GALNT14: variants seen among roughly 807,000 people sequenced by gnomAD.
GALNT14 encodes the protein polypeptide N-acetylgalactosaminyltransferase 14, also known as UDP-GalNAc:polypeptide N-acetylgalactosaminyltransferase 14.
GALNT14 carries 60 observed loss-of-function variants against 77.5 expected under a neutral mutation model. That is an observed-to-expected ratio of 0.77 (90% confidence interval 0.63 to 0.96). The LOEUF (loss-of-function observed/expected upper bound fraction) is 0.96. Ranked by LOEUF, GALNT14 falls within the 40% of genes least tolerant of loss-of-function variation. GALNT14 has a pLI of 0.00. For synonymous variants in GALNT14, 280 were observed against 281.7 expected, an observed-to-expected ratio of 0.99 and a Z score of 0.06; for missense variants, 710 against 731.0, an observed-to-expected ratio of 0.97 and a Z score of 0.33.
rs553809018 is a variant in GALNT14 at position 31,104,331 on chromosome 2, CAT to C, written c.129+33625_129+33626del. On this transcript the variant is annotated intron_variant, in intron 1 of 14. Transcript: ENST00000349752. Reference sequence around the variant, plus strand: ...ATTTTATATTTTGCTATATTTTCCCCATTTTTGTAGAGACAGAAGATAGAAAC... The same window carrying C: ...ATTTTATATTTTGCTATATTTTCCCCTTTTGTAGAGACAGAAGATAGAAAC... 6.8e-3 allele frequency among the ~76,000 whole-genome samples: 1,039 copies of C among 152,254 alleles called. 4 individuals carry two copies. The highest frequency in any genetic ancestry group is 9.8e-3 in the Non-Finnish European group (665 of 68,006).
At chr2:31,072,364 T>C (rs6543598) in intron 1 of GALNT14, among the ~76,000 whole-genome samples, 92,954 of 150,588 alleles carry the variant, frequency 0.62, 29,746 homozygotes, top group African/African-American at 0.79. Context: ...AATTTTTGTC[T>C]CTCTTGCTCT....
chr2:31,046,674 C>T (rs1210726656), intron 1 of GALNT14, among the ~76,000 whole-genome samples: 1 of 152,084 alleles, frequency 6.6e-6, no homozygotes, highest in African/African-American at 2.4e-5. Flanking sequence ...GGCTTTTGAA[C>T]AATAGTTTGC....
At chr2:31,127,684 A>C (rs1451578766) in intron 1 of GALNT14, among the ~76,000 whole-genome samples, 1 of 152,252 alleles carries the variant, frequency 6.6e-6, no homozygotes, top group Non-Finnish European at 1.5e-5. Flanking sequence ...AGATGTACAC[A>C]TATGTTTAGC....
intron 1 of GALNT14, among the ~76,000 whole-genome samples, chr2:31,014,755 A>T (rs548251373): frequency 1.3e-5 from 2 of 152,274 alleles, no homozygotes; most frequent in East Asian, 3.9e-4. Flanking sequence ...GGAGTCAATG[A>T]TCCCTAAAGC....
At chr2:31,095,379 C>A (rs1676948876) in intron 1 of GALNT14, among the ~76,000 whole-genome samples, 1 of 152,118 alleles carries the variant, frequency 6.6e-6, no homozygotes, top group African/African-American at 2.4e-5. Flanking sequence ...CTGTATTAAG[C>A]CACTTTTTTC....
intron 1 of GALNT14, among the ~76,000 whole-genome samples, chr2:31,073,612 A>T (rs1260018801): frequency 6.6e-6 from 1 of 152,018 alleles, no homozygotes; most frequent in Non-Finnish European, 1.5e-5. Flanking sequence ...AGGACCAGCT[A>T]GGGGCCGGCG....
chr2:30,948,997 C>T (rs1254265113), intron 6 of GALNT14, among the ~76,000 whole-genome samples: 1 of 152,126 alleles, frequency 6.6e-6, no homozygotes, highest in African/African-American at 2.4e-5. Flanking sequence ...GGGGTTCTGT[C>T]CTTCTATTAT....
chr2:30,906,095 C>T (rs1242786946), downstream of GALNT14, among the ~76,000 whole-genome samples: 35 of 150,532 alleles, frequency 2.3e-4, no homozygotes, highest in South Asian at 4.3e-4. Context: ...CAGTACCAGC[C>T]GCTGCAAAAT....
At chr2:31,107,393 C>T (rs1324269369) in intron 1 of GALNT14, among the ~76,000 whole-genome samples, 2 of 152,218 alleles carry the variant, frequency 1.3e-5, no homozygotes, top group African/African-American at 4.8e-5. Flanking sequence ...CTACTTCCCC[C>T]TCATGGCCTC....
intron 1 of GALNT14, among the ~76,000 whole-genome samples, chr2:31,085,753 G>A (rs567973490): frequency 5.9e-5 from 9 of 152,306 alleles, no homozygotes; most frequent in East Asian, 5.8e-4. Context: ...CATGTGACAC[G>A]TGCTCTGCCA....
intron 1 of GALNT14, among the ~76,000 whole-genome samples, chr2:31,018,105 A>G (rs1671492131): frequency 6.6e-6 from 1 of 152,240 alleles, no homozygotes; most frequent in Admixed American, 6.5e-5. Flanking sequence ...ATGATGTGTA[A>G]GCAGAAGAAA....
intron 1 of GALNT14, among the ~76,000 whole-genome samples, chr2:31,000,466 T>TGTGTGC (rs1670301146): frequency 1.3e-5 from 2 of 151,910 alleles, no homozygotes; most frequent in South Asian, 4.2e-4. Context: ...TGTGTGTGTG[T>TGTGTGC]GTGTGTGTAT....
intron 6 of GALNT14, among the ~76,000 whole-genome samples, chr2:30,948,939 T>C (rs13418695): frequency 0.41 from 62,578 of 152,030 alleles, 13,604 homozygotes; most frequent in African/African-American, 0.55. Flanking sequence ...ATGGGCTCTG[T>C]CTCCAGGGCT....
chr2:31,071,862 T>A (rs970328603), intron 1 of GALNT14, among the ~76,000 whole-genome samples: 8 of 152,240 alleles, frequency 5.3e-5, no homozygotes, highest in South Asian at 4.2e-4. Flanking sequence ...ATTAAGAATT[T>A]CAAGACAGCA....
intron 1 of GALNT14, among the ~76,000 whole-genome samples, chr2:31,135,815 G>A (rs1006549065): frequency 6.6e-6 from 1 of 152,214 alleles, no homozygotes; most frequent in African/African-American, 2.4e-5. Flanking sequence ...GACACAGCGT[G>A]CTCATCATAG....
intron 1 of GALNT14, among the ~76,000 whole-genome samples, chr2:31,092,081 C>T (rs1327975790): frequency 1.3e-5 from 2 of 152,132 alleles, no homozygotes; most frequent in Non-Finnish European, 2.9e-5. Flanking sequence ...CTTGGACTTA[C>T]ACCAGTGGTT....
At chr2:30,899,570 G>GTT in the GALNT14 span, among the ~76,000 whole-genome samples, 30 of 145,784 alleles carry the variant, frequency 2.1e-4, no homozygotes, top group East Asian at 4.0e-4. Flanking sequence ...CTCACCCAAG[G>GTT]TTTTTTTTTT....
chr2:31,059,789 T>C (rs1674477221), intron 1 of GALNT14, among the ~76,000 whole-genome samples: 1 of 152,240 alleles, frequency 6.6e-6, no homozygotes, highest in Non-Finnish European at 1.5e-5. Flanking sequence ...GCAAGAAGGC[T>C]CTGTGTATGA....
At chr2:30,945,949 G>A in intron 6 of GALNT14, 79 bp from the exon 7 acceptor site, 1 of 1,161,846 alleles carries the variant, frequency 8.6e-7, no homozygotes. Context: ...GGCCTCGTGA[G>A]GGTAGGGCCA....
Sources: allele counts gnomAD v4.1 joint callset (sites outside exome capture counted in the v4.1 genomes callset), GRCh38; gene constraint gnomAD v4.1.1; transcripts MANE v1.5; gene names NCBI Gene and HGNC (gene_info 2026-07-23, HGNC 2026-07-21).